Variants in ZNRF2 observed in about 807,000 individuals in gnomAD.
ZNRF2 encodes E3 ubiquitin-protein ligase ZNRF2.
A neutral mutation model predicts 20.4 loss-of-function variants in ZNRF2; 16 were observed. The observed-to-expected ratio is 0.79, with a 90% CI of 0.53 to 1.19. The LOEUF (loss-of-function observed/expected upper bound fraction) is 1.19. ZNRF2 is among the 50% of genes most tolerant of loss of function. ZNRF2 has a pLI of 0.00. For missense variants in ZNRF2, 363 were observed against 332.4 expected (o/e 1.09, Z -0.72); for synonymous variants, 178 against 144.9 (o/e 1.23, Z -1.64).
chr7:30,312,124 ACAC>A lies in ZNRF2; in HGVS notation c.470-11512_470-11510del, dbSNP rs547333338. Among the ~76,000 whole-genome samples, 414 of 152,232 alleles carry A rather than the reference ACAC, an allele frequency of 2.7e-3. 1 individual carries two copies. The highest frequency in any genetic ancestry group is 5.0e-3 in the Admixed American group (77 of 15,284). Reference sequence around the variant, plus strand: ...CTCGAGTAGCTGGGACTACAGGCACACACCACCATGCCTGGCTAATTTAAAAAC... The same window carrying A: ...CTCGAGTAGCTGGGACTACAGGCACACACCATGCCTGGCTAATTTAAAAAC... On this transcript the variant is annotated intron_variant, in intron 1 of 4. Coordinates refer to ENST00000323037, the MANE Select transcript of ZNRF2 (RefSeq NM_147128.4).
chr7:30,361,593 A>G (rs1477702999), intron 3 of ZNRF2, among the ~76,000 whole-genome samples: 1 of 152,214 alleles, frequency 6.6e-6, no homozygotes, highest in Non-Finnish European at 1.5e-5. Flanking sequence ...CTATCATGGT[A>G]CTGTGAAATA....
At chr7:30,348,316 G>A (rs889687294) in intron 2 of ZNRF2, among the ~76,000 whole-genome samples, 13 of 152,092 alleles carry the variant, frequency 8.5e-5, no homozygotes, top group Non-Finnish European at 1.6e-4. Context: ...GTTGCTTGGT[G>A]TTTTCCTTAG....
At chr7:30,361,481 A>G (rs1165327446) in intron 3 of ZNRF2, among the ~76,000 whole-genome samples, 3 of 152,232 alleles carry the variant, frequency 2.0e-5, no homozygotes, top group African/African-American at 7.2e-5. Context: ...GCAAATTTGA[A>G]ATATGTCACC....
intron 1 of ZNRF2, among the ~76,000 whole-genome samples, chr7:30,286,362 A>G (rs1475975800): frequency 2.0e-5 from 3 of 152,362 alleles, no homozygotes; most frequent in African/African-American, 7.2e-5. Flanking sequence ...TTTTAATTGG[A>G]TGAATGCGTT....
chr7:30,293,003 A>G (rs1798938994), intron 1 of ZNRF2, among the ~76,000 whole-genome samples: 1 of 152,190 alleles, frequency 6.6e-6, no homozygotes, highest in African/African-American at 2.4e-5. Flanking sequence ...CAAGGAGGCA[A>G]AAATCCAGAT....
chr7:30,322,763 C>T (rs563525303), intron 1 of ZNRF2, among the ~76,000 whole-genome samples: 1 of 152,112 alleles, frequency 6.6e-6, no homozygotes, highest in East Asian at 1.9e-4. Flanking sequence ...GTTCAGGTTT[C>T]CAAACAGCTT....
chr7:30,327,361 A>G (rs1245375111), intron 2 of ZNRF2, among the ~76,000 whole-genome samples: 2 of 152,158 alleles, frequency 1.3e-5, no homozygotes, highest in South Asian at 4.1e-4. Context: ...AATCTTCTGC[A>G]TATGGCTAGC....
chr7:30,307,909 G>T (rs896437317), intron 1 of ZNRF2, among the ~76,000 whole-genome samples: 2 of 152,056 alleles, frequency 1.3e-5, no homozygotes, highest in Admixed American at 6.6e-5. Flanking sequence ...TAAAATTTTT[G>T]TGTGTGAAAT....
At position 30,307,326 on chromosome 7, in the gene ZNRF2, G is replaced by T. The variant is rs28406458; in HGVS notation, c.470-16316G>T. 9.4e-3 allele frequency among the ~76,000 whole-genome samples: 407 copies of T among 43,112 alleles called. 2 individuals are homozygous for T. The highest frequency in any genetic ancestry group is 0.018 in the African/African-American group (251 of 13,896). 28.3% of individuals were successfully genotyped at this position (43,112 alleles called of 152,430 possible). ...TGTCTTCTTTCTGCTGTTTTTTTTT[G>T]TTTTTTTTTTTTTTTTTTTTTTTTG... On this transcript the variant is annotated intron_variant, in intron 1 of 4. Transcript: ENST00000323037.
At chr7:30,295,054 T>A (rs866332641) in intron 1 of ZNRF2, among the ~76,000 whole-genome samples, 4,181 of 39,654 alleles carry the variant, frequency 0.11, 20 homozygotes, top group Non-Finnish European at 0.12. Context: ...AGAGAGAGTG[T>A]GTGTGTGTGT....
Position 30,285,502 on chromosome 7 carries a change from T to G in ZNRF2, c.145T>G (p.Phe49Val), listed in dbSNP as rs962023236. The G allele has an allele frequency of 9.5e-7, 1 of 1,048,214 alleles. No individual in the cohort carries two copies. Among genetic ancestry groups the G allele is most frequent in the Non-Finnish European group, 1.1e-6 (1 of 875,690 alleles). 64.9% of individuals were successfully genotyped at this position (1,048,214 alleles called of 1,614,324 possible). Residue 49 changes from phenylalanine to valine, a missense_variant, in exon 1 of 5, where the codon TTC becomes GTC. By Grantham distance (50) the Phe-to-Val change is conservative. Transcript: ENST00000323037. ...CGCTCGGGCCGCCGCCGCGGGGAGG[T>G]TCCCGGCTCAGGTGCCCAGCGCGCA... ...GGARAAAAGRFPAQVPSAHQP... is the reference protein window; with the variant it reads ...GGARAAAAGRVPAQVPSAHQP...
chr7:30,310,870 CTGTCCTGTCCTGTCT>C (rs1325700136), intron 1 of ZNRF2, among the ~76,000 whole-genome samples: 5 of 152,002 alleles, frequency 3.3e-5, no homozygotes, highest in Non-Finnish European at 5.9e-5. Flanking sequence ...CTGTCCTGTC[CTGTCCTGTCCTGTCT>C]TGTCCTGTCC....
chr7:30,342,885 A>G (rs1052694603), intron 2 of ZNRF2, among the ~76,000 whole-genome samples: 2 of 152,014 alleles, frequency 1.3e-5, no homozygotes, highest in African/African-American at 4.8e-5. Flanking sequence ...ATCCAAGTGT[A>G]GAGGACTTTT....
chr7:30,313,897 T>C (rs765456255), intron 1 of ZNRF2, among the ~76,000 whole-genome samples: 8 of 152,194 alleles, frequency 5.3e-5, no homozygotes, highest in Non-Finnish European at 1.2e-4. Flanking sequence ...TCCATTTGTA[T>C]TAGGTAAACC....
intron 1 of ZNRF2, among the ~76,000 whole-genome samples, chr7:30,307,600 C>G (rs1799230838): frequency 6.6e-6 from 1 of 151,812 alleles, no homozygotes; most frequent in African/African-American, 2.4e-5. Flanking sequence ...CTATCAAATT[C>G]TGTGTTGTTA....
chr7:30,316,941 G>A (rs187922157), intron 1 of ZNRF2, among the ~76,000 whole-genome samples: 26 of 152,166 alleles, frequency 1.7e-4, no homozygotes, highest in East Asian at 3.9e-4. Flanking sequence ...CTTTTGCTGC[G>A]CTTATGTTTT....
At chr7:30,294,848 G>A (rs1562603524) in intron 1 of ZNRF2, among the ~76,000 whole-genome samples, 1 of 151,996 alleles carries the variant, frequency 6.6e-6, no homozygotes, top group Non-Finnish European at 1.5e-5. Context: ...AAGGATAGAA[G>A]CATAACTCAA....
chr7:30,288,545 T>A (rs1427166481), intron 1 of ZNRF2, among the ~76,000 whole-genome samples: 1 of 152,218 alleles, frequency 6.6e-6, no homozygotes, highest in Non-Finnish European at 1.5e-5. Context: ...CGAGGAAGTT[T>A]TCTGTGTTGG....
chr7:30,353,188 A>G (rs1286289422), intron 2 of ZNRF2, among the ~76,000 whole-genome samples: 2 of 152,132 alleles, frequency 1.3e-5, no homozygotes, highest in African/African-American at 2.4e-5. Flanking sequence ...AGAGTGAACT[A>G]TCTTCTAACT....
Sources: allele counts gnomAD v4.1 joint callset (sites outside exome capture counted in the v4.1 genomes callset), GRCh38; gene constraint gnomAD v4.1.1; transcripts MANE v1.5; gene names NCBI Gene and HGNC (gene_info 2026-07-23, HGNC 2026-07-21).